The following ERCC3 variants were observed in gnomAD, a reference collection of about 807,000 sequenced individuals.
ERCC3 encodes the protein general transcription and DNA repair factor IIH helicase/translocase subunit XPB.
In ERCC3, 66 loss-of-function variants were observed where a neutral mutation model predicts 94.2. That is an observed-to-expected ratio of 0.70 (90% CI 0.57 to 0.86). The LOEUF (loss-of-function observed/expected upper bound fraction) is 0.86. ERCC3 is among the 40% of genes least tolerant of loss of function. ERCC3 has a pLI of 0.00. For missense variants in ERCC3, 829 were observed against 987.1 expected (o/e 0.84, Z 2.15); for synonymous variants, 349 against 369.1 (o/e 0.95, Z 0.63).
intron 10 of ERCC3, among the ~76,000 whole-genome samples, chr2:127,275,420 T>C (rs1341390985): frequency 6.6e-6 from 1 of 152,262 alleles, no homozygotes; most frequent in East Asian, 1.9e-4. Context: ...AGGTAAAAAG[T>C]ACACATTGTA....
Position 127,259,714 on chromosome 2 carries a change from A to G in ERCC3, c.2065-266T>C. The G allele has an allele frequency of 4.1e-6, 2 of 489,836 alleles. No homozygotes were observed. Among genetic ancestry groups the G allele is most frequent in the South Asian group, 4.1e-5 (2 of 48,730 alleles). The allele number at this position is 489,836 out of a possible 1,614,324, so 30.3% of individuals were successfully genotyped here. A position where few individuals can be genotyped will look rare whatever the true frequency, so the allele number is the denominator to read the frequency against. On this transcript the variant is annotated intron_variant, in intron 13 of 14. Transcript: ENST00000285398. The surrounding 1 kb of genome is among the most constrained non-coding windows in gnomAD (Gnocchi z 4.9). Reference sequence around the variant, plus strand: ...CCCAGCACACAGCATCTAAATGATCATGTATGGAAGATCAACAGGAAGAAT... The same window carrying G: ...CCCAGCACACAGCATCTAAATGATCGTGTATGGAAGATCAACAGGAAGAAT...
chr2:127,289,486 C>T lies in ERCC3; in HGVS notation c.673G>A (p.Glu225Lys), dbSNP rs772575791. The T allele has an allele frequency of 6.2e-7, 1 of 1,612,608 alleles. No homozygotes were observed. The highest frequency in any genetic ancestry group is 8.5e-7 in the Non-Finnish European group (1 of 1,180,018). Residue 225 changes from glutamate (E) to lysine (K), a missense_variant, in exon 6 of 15, where the codon GAA becomes AAA. By Grantham distance (56) the Glu-to-Lys change is moderately conservative (BLOSUM62 1). Transcript: ENST00000285398. Reference protein sequence around the residue: ...TSKSAISKTAESSGGPSTSRV... With the variant: ...TSKSAISKTAKSSGGPSTSRV... ...GAAGTGGAGGGCCCACCACTGCTTTCAGCAGTCTTAGAAATCTGTGAGAGA... is the reference window on the plus strand; with the variant it reads ...GAAGTGGAGGGCCCACCACTGCTTTTAGCAGTCTTAGAAATCTGTGAGAGA...
rs1684091302 is a variant in ERCC3, at chr2:127,258,500, G to GCA, written c.2218-775_2218-774dup. On this transcript the variant is annotated intron_variant, in intron 14 of 14. Coordinates refer to ENST00000285398, the MANE Select transcript of ERCC3 (RefSeq NM_000122.2). This position sits in a 1 kb window ranked among gnomAD's most constrained non-coding sequence, Gnocchi z 4.1. Reference sequence around the variant, plus strand: ...CTTAAAACCAGTGAGAGCAATGAGAGCACTCTCCTGGGTTCCCATGGAGAG... The same window carrying GCA: ...CTTAAAACCAGTGAGAGCAATGAGAGCACACTCTCCTGGGTTCCCATGGAGAG... 6.6e-6 allele frequency among the ~76,000 whole-genome samples: 1 copy of GCA among 152,180 alleles called. No individual in the cohort carries two copies.
chr2:127,267,982 T>G (rs1251881941), intron 12 of ERCC3, among the ~76,000 whole-genome samples: 1 of 152,154 alleles, frequency 6.6e-6, no homozygotes, highest in Non-Finnish European at 1.5e-5. Context: ...AGACAGAGTC[T>G]TGCTGTTGTT....
At chr2:127,275,660 G>C (rs1358694844) in intron 10 of ERCC3, among the ~76,000 whole-genome samples, 1 of 152,210 alleles carries the variant, frequency 6.6e-6, no homozygotes, top group Non-Finnish European at 1.5e-5. Flanking sequence ...AGGATGGGGA[G>C]AGAATAGTTC....
At position 127,264,474 on chromosome 2, in the gene ERCC3, C is replaced by CA. The variant is rs1436246010; in HGVS notation, c.1946-3129dup. Among the ~76,000 whole-genome samples the CA allele has an allele frequency of 6.6e-6, 1 of 152,004 alleles. No homozygotes were observed. The highest frequency in any genetic ancestry group is 1.5e-5 in the Non-Finnish European group (1 of 67,976). On this transcript the variant is annotated intron_variant, in intron 12 of 14. Transcript: ENST00000285398. This position sits in a 1 kb window ranked among gnomAD's most constrained non-coding sequence, Gnocchi z 4.4. ...AGAGCAAGACTCTGCCTCAAAAAAACAAAAAACCTTTTTCTGTGTCTATTA... is the reference window on the plus strand; with the variant it reads ...AGAGCAAGACTCTGCCTCAAAAAAACAAAAAAACCTTTTTCTGTGTCTATTA...
chr2:127,268,130 T>G (rs1301362313), intron 12 of ERCC3, among the ~76,000 whole-genome samples: 1 of 151,886 alleles, frequency 6.6e-6, no homozygotes, highest in Non-Finnish European at 1.5e-5. Flanking sequence ...ATTTTTGTAT[T>G]TTTAGTGGAG....
At chr2:127,293,931 G>A (rs759478986) in intron 1 of ERCC3, 123 bp downstream of exon 1, 3 of 1,533,162 alleles carry the variant, frequency 2.0e-6, no homozygotes, top group East Asian at 2.4e-5. Flanking sequence ...CTGTCCCAAC[G>A]GGGTGCGCGC....
At chr2:127,290,009 G>A (rs986939162) in intron 4 of ERCC3, 185 bp from the exon 5 acceptor site, 2 of 810,766 alleles carry the variant, frequency 2.5e-6, no homozygotes, top group East Asian at 2.6e-5. Context: ...TTGAGGTCAA[G>A]TAGGCAGGGG....
intron 8 of ERCC3, among the ~76,000 whole-genome samples, chr2:127,282,184 T>C (rs1009008160): frequency 6.6e-6 from 1 of 152,154 alleles, no homozygotes; most frequent in African/African-American, 2.4e-5. Context: ...CTTCTGTCAA[T>C]AACTAGCACT....
chr2:127,293,280 G>A (rs1284025463), intron 2 of ERCC3, among the ~76,000 whole-genome samples: 1 of 152,234 alleles, frequency 6.6e-6, no homozygotes, highest in African/African-American at 2.4e-5. Context: ...GCTGGGGAAG[G>A]AGTGAGAGTA....
intron 12 of ERCC3, among the ~76,000 whole-genome samples, chr2:127,269,101 ATTGT>A (rs757811941): frequency 3.9e-4 from 59 of 152,324 alleles, no homozygotes; most frequent in African/African-American, 1.3e-3. Flanking sequence ...AAACTTATGA[ATTGT>A]TTATTTCTGG....
chr2:127,286,090 G>A (rs2104769671), intron 8 of ERCC3, among the ~76,000 whole-genome samples: 1 of 152,226 alleles, frequency 6.6e-6, no homozygotes, highest in South Asian at 2.1e-4. Context: ...CACCATTTTG[G>A]GAAGGGCTTT....
chr2:127,261,345 C>G lies in ERCC3; in HGVS notation c.1947G>C (p.Gly649=). 6.4e-7 allele frequency: 1 copy of G among 1,573,758 alleles called. No homozygotes were observed. Among genetic ancestry groups the G allele is most frequent in the Non-Finnish European group, 8.7e-7 (1 of 1,143,266 alleles). The change falls in exon 13 of 15, where the codon GGG becomes GGC. Residue 649 remains glycine (G), a splice_region_variant and synonymous_variant. Transcript: ENST00000285398. ...RLGRVLRAKK[G]MVAEEYNAFF... The stretch of plus-strand genomic sequence containing the variant: ...AGGCATTGTACTCTTCTGCAACCAT[C>G]CCTGCAGGAAAAAATGAGAAACGGC...
intron 12 of ERCC3, among the ~76,000 whole-genome samples, chr2:127,267,485 C>G (rs1025491286): frequency 1.3e-5 from 2 of 151,042 alleles, no homozygotes; most frequent in Non-Finnish European, 2.9e-5. Flanking sequence ...TACTTTGAAC[C>G]TATGAGTCCT....
rs1028436058 is a variant in ERCC3 at position 127,258,718 on chromosome 2, TCTCA to T, written c.2217+574_2217+577del. ...GCCTGCTAATTCTCCATAATGATGCTCTCACTAATTAGACCATATATTTACTTGG... is the reference window on the plus strand; with the variant it reads ...GCCTGCTAATTCTCCATAATGATGCTCTAATTAGACCATATATTTACTTGG... On this transcript the variant is annotated intron_variant, in intron 14 of 14. Transcript: ENST00000285398. This position sits in a 1 kb window ranked among gnomAD's most constrained non-coding sequence, Gnocchi z 4.1. Among the ~76,000 whole-genome samples the T allele has an allele frequency of 3.3e-5, 5 of 152,222 alleles. No homozygotes were observed. The highest frequency in any genetic ancestry group is 6.5e-5 in the Admixed American group (1 of 15,276).
intron 12 of ERCC3, among the ~76,000 whole-genome samples, chr2:127,266,479 G>A (rs560334350): frequency 4.0e-4 from 60 of 151,440 alleles, no homozygotes; most frequent in Admixed American, 3.9e-3. Flanking sequence ...GAGACTACAG[G>A]CAACTGCCAC....
chr2:127,288,929 TA>T lies in ERCC3; in HGVS notation c.823-66del, dbSNP rs1287300570. 8 of 1,272,184 alleles carry T rather than the reference TA, an allele frequency of 6.3e-6. No individual in the cohort carries two copies. The Admixed American group carries it at 1.3e-4, about 21-fold the overall frequency. The allele number at this position is 1,272,184 out of a possible 1,614,324, so 78.8% of individuals were successfully genotyped here. A position where few individuals can be genotyped will look rare whatever the true frequency, so the allele number is the denominator to read the frequency against. On this transcript the variant is annotated intron_variant, in intron 6 of 14. Coordinates refer to ENST00000285398, the MANE Select transcript of ERCC3 (RefSeq NM_000122.2). ...CTGTGCTCAAAAACATTACATCTTC[TA>T]AGAGGTCCAATGGTCAAAAAAGTGG...
rs377662408 is a variant in ERCC3 at position 127,279,320 on chromosome 2, T to A, written c.1583A>T (p.Lys528Met). 2 of 1,614,230 alleles carry A rather than the reference T, an allele frequency of 1.2e-6. No individual in the cohort carries two copies. Among genetic ancestry groups the A allele is most frequent in the Middle Eastern group, 3.3e-4 (2 of 6,062 alleles). The change falls in exon 10 of 15, where the codon AAG becomes ATG. Residue 528 changes from lysine to methionine, a missense_variant. Transcript: ENST00000285398. The surrounding 1 kb of genome is among the most constrained non-coding windows in gnomAD (Gnocchi z 4.7). ...FYREYVAIKTKKRILLYTMNP... is the reference protein window; with the variant it reads ...FYREYVAIKTMKRILLYTMNP... Reference sequence around the variant, plus strand: ...CATGGTGTACAGCAAGATTCGTTTCTTGGTTTTGATTGCCACATATTCCCG... The same window carrying A: ...CATGGTGTACAGCAAGATTCGTTTCATGGTTTTGATTGCCACATATTCCCG...
Sources: allele counts gnomAD v4.1 joint callset (sites outside exome capture counted in the v4.1 genomes callset), GRCh38; gene constraint gnomAD v4.1.1; non-coding constraint Gnocchi (gnomAD v3.1); transcripts MANE v1.5; gene names NCBI Gene and HGNC (gene_info 2026-07-23, HGNC 2026-07-21).